The following PREX1 variants were observed in gnomAD, a reference collection of about 807,000 sequenced individuals.
The protein encoded by PREX1 is phosphatidylinositol 3,4,5-trisphosphate-dependent Rac exchanger 1 protein.
In PREX1, 41 loss-of-function variants were observed where a neutral mutation model predicts 198.3. The observed-to-expected ratio is 0.21, with a 90% CI of 0.16 to 0.27. The LOEUF (loss-of-function observed/expected upper bound fraction) is 0.27. Among genes scored for constraint, PREX1 ranks in the 10% least tolerant of loss-of-function variants. PREX1 has a pLI of 1.00. For synonymous variants in PREX1, 843 were observed against 887.2 expected (o/e 0.95, Z 0.89); for missense variants, 1,620 against 2,200.7 (o/e 0.74, Z 5.28).
At chr20:48,747,686 G>A (rs555159825) in intron 2 of PREX1, 123 bp downstream of exon 2, 125 of 1,094,126 alleles carry the variant, frequency 1.1e-4, no homozygotes, top group Non-Finnish European at 1.3e-4. Flanking sequence ...CAAAGCTGGC[G>A]GCCAGCAGCC....
At chr20:48,739,618 C>T (rs769892049) in intron 3 of PREX1, among the ~76,000 whole-genome samples, 5 of 152,348 alleles carry the variant, frequency 3.3e-5, no homozygotes, top group South Asian at 2.1e-4. Context: ...GTTTCTCCCA[C>T]CTACGAGCCG....
At chr20:48,795,504 G>A (rs1349233932) in intron 1 of PREX1, among the ~76,000 whole-genome samples, 1 of 151,640 alleles carries the variant, frequency 6.6e-6, no homozygotes, top group Non-Finnish European at 1.5e-5. Flanking sequence ...CTGGTGGGTA[G>A]AGCCAGGGAC....
intron 1 of PREX1, among the ~76,000 whole-genome samples, chr20:48,805,874 C>T (rs961589504): frequency 6.6e-6 from 1 of 152,170 alleles, no homozygotes. Context: ...GCTTCAATGT[C>T]CCCACCTGTA....
intron 23 of PREX1, 131 bp from the exon 24 acceptor site, chr20:48,650,337 A>G (rs1190046466): frequency 1.1e-6 from 1 of 885,126 alleles, no homozygotes; most frequent in African/African-American, 1.7e-5. Context: ...AGTAGCTCCA[A>G]ATGAGAAGGG....
At chr20:48,660,849 G>A (rs2089585352) in intron 15 of PREX1, among the ~76,000 whole-genome samples, 1 of 152,208 alleles carries the variant, frequency 6.6e-6, no homozygotes, top group South Asian at 2.1e-4. Context: ...ACTCCAATGA[G>A]CAGTAATTTG....
Position 48,627,462 on chromosome 20 carries a change from G to A in PREX1, c.4937+86C>T, listed in dbSNP as rs563010014. 7.6e-6 allele frequency: 11 copies of A among 1,439,140 alleles called. No individual in the cohort carries two copies. In the East Asian group the frequency reaches 1.4e-4, roughly 18 times the overall value. The allele number at this position is 1,439,140 out of a possible 1,614,324, so 89.1% of individuals were successfully genotyped here. A position where few individuals can be genotyped will look rare whatever the true frequency, so the allele number is the denominator to read the frequency against. On this transcript the variant is annotated intron_variant, in intron 39 of 39. Coordinates refer to ENST00000371941, the MANE Select transcript of PREX1 (RefSeq NM_020820.4). ...GGGGAAGCCCCATCTGAGCATTAGGGGTTAGGCCAGGAGCATGATGCCAAA... is the reference window on the plus strand; with the variant it reads ...GGGGAAGCCCCATCTGAGCATTAGGAGTTAGGCCAGGAGCATGATGCCAAA...
chr20:48,880,981 T>TAAAAAAAAAAAA, the PREX1 span, among the ~76,000 whole-genome samples: 43 of 20,996 alleles, frequency 2.0e-3, 11 homozygotes, highest in African/African-American at 0.011. Context: ...AAACCATTGC[T>TAAAAAAAAAAAA]AAAAAAAAAA....
In PREX1 at chr20:48,636,584, C is replaced by T. The variant is rs150328810; in HGVS notation, c.4046G>A (p.Arg1349His). 4.8e-4 allele frequency: 776 copies of T among 1,611,798 alleles called. 5 individuals are homozygous for T. The Middle Eastern group carries it at 6.9e-3, about 14-fold the overall frequency. Residue 1349 changes from arginine (R) to histidine (H), a missense_variant, in exon 32 of 40, where the codon CGC becomes CAC. By Grantham distance (29) the Arg-to-His change is conservative. Around this residue, in one of 7 missense-constraint regions of PREX1, gnomAD observed 476 missense variants for 603.4 expected, o/e 0.79. Transcript: ENST00000371941. ...SKQLLAALGY[R>H]YNNNGEYEES... is the part of the protein sequence containing the mutation. The stretch of plus-strand genomic sequence containing the variant: ...CTCGTACTCGCCATTGTTGTTGTAG[C>T]GGTAGCCCAGGGCCGCCAGCAGCTG...
intron 39 of PREX1, among the ~76,000 whole-genome samples, chr20:48,627,006 C>T (rs2089277890): frequency 6.6e-6 from 1 of 152,154 alleles, no homozygotes; most frequent in South Asian, 2.1e-4. Context: ...AAACAGCACT[C>T]CCCATGCCAA....
intron 1 of PREX1, among the ~76,000 whole-genome samples, chr20:48,801,358 G>C (rs1043350865): frequency 1.1e-4 from 17 of 152,156 alleles, no homozygotes; most frequent in Admixed American, 8.5e-4. Flanking sequence ...CTCTTGCTGA[G>C]AAAATGAGAC....
At chr20:48,733,431 A>G (rs73256460) in intron 4 of PREX1, among the ~76,000 whole-genome samples, 2,487 of 152,270 alleles carry the variant, frequency 0.016, 73 homozygotes, top group African/African-American at 0.057. Context: ...AACGAGCATC[A>G]GACCTAGGAT....
chr20:48,841,266 C>A, the PREX1 span, among the ~76,000 whole-genome samples: 3 of 152,184 alleles, frequency 2.0e-5, no homozygotes, highest in African/African-American at 7.2e-5. Flanking sequence ...AGGCAAACTT[C>A]TTCTGCAGAG....
intron 1 of PREX1, among the ~76,000 whole-genome samples, chr20:48,783,672 A>G (rs2090299957): frequency 6.6e-6 from 1 of 152,128 alleles, no homozygotes; most frequent in African/African-American, 2.4e-5. Context: ...CAGCACCCTG[A>G]CACCGTGTCT....
chr20:48,759,460 G>A (rs1350245846), intron 1 of PREX1, among the ~76,000 whole-genome samples: 1 of 138,664 alleles, frequency 7.2e-6, no homozygotes, highest in Non-Finnish European at 1.5e-5. Context: ...TAAGACAGGA[G>A]AATCATTTGA....
chr20:48,638,612 C>T (rs1055351460), intron 30 of PREX1, among the ~76,000 whole-genome samples: 2 of 152,134 alleles, frequency 1.3e-5, no homozygotes, highest in Admixed American at 6.6e-5. Flanking sequence ...TGCAGTGGTG[C>T]GCTCTTGTCA....
At chr20:48,643,611 G>A (rs2089430169) in intron 27 of PREX1, among the ~76,000 whole-genome samples, 1 of 152,112 alleles carries the variant, frequency 6.6e-6, no homozygotes, top group Non-Finnish European at 1.5e-5. Flanking sequence ...TGCTGGCGAG[G>A]GTCATTTCTG....
In PREX1 at chr20:48,827,478, G is replaced by T. The variant is rs1264776551; in HGVS notation, c.219+164C>A. On this transcript the variant is annotated intron_variant, in intron 1 of 39. Transcript: ENST00000371941. This position sits in a 1 kb window ranked among gnomAD's most constrained non-coding sequence, Gnocchi z 4.1. The stretch of plus-strand genomic sequence containing the variant: ...CGCCGGCCAGGGAGGGAGGCGACGC[G>T]ACAGCTCTGGAGGAGCTCGGATCCC... 6.6e-6 allele frequency among the ~76,000 whole-genome samples: 1 copy of T among 152,190 alleles called. No homozygotes were observed. The highest frequency in any genetic ancestry group is 1.5e-5 in the Non-Finnish European group (1 of 68,022).
the PREX1 span, chr20:48,849,424 A>G: frequency 1.3e-5 from 2 of 152,104 alleles, no homozygotes; most frequent in African/African-American, 4.8e-5. Context: ...ATATTTCTTC[A>G]TTGTACTTAC....
At chr20:48,807,686 T>C (rs183339049) in intron 1 of PREX1, among the ~76,000 whole-genome samples, 2 of 152,332 alleles carry the variant, frequency 1.3e-5, no homozygotes, top group African/African-American at 4.8e-5. Flanking sequence ...GCAGCAATCA[T>C]GAACACTCCC....
Sources: gnomAD v4.1 joint callset for allele counts (sites outside exome capture counted in the v4.1 genomes callset) on GRCh38, gnomAD v4.1.1 for gene constraint, gnomAD v4.1.1 regional missense constraint, Gnocchi (gnomAD v3.1) non-coding constraint, MANE v1.5 for transcripts, NCBI Gene and HGNC (gene_info 2026-07-23, HGNC 2026-07-21) for gene names.